The following HIVEP3 variants were observed in gnomAD, a reference collection of about 807,000 sequenced individuals.
HIVEP3 encodes HIVEP zinc finger 3, also known as transcription factor HIVEP3.
HIVEP3 carries 49 observed loss-of-function variants against 152.8 expected under a neutral mutation model. The observed-to-expected ratio is 0.32, with a 90% CI of 0.26 to 0.41. HIVEP3 has a LOEUF of 0.41. Among genes scored for constraint, HIVEP3 ranks in the 10% least tolerant of loss-of-function variants. The pLI is 1.00. For synonymous variants in HIVEP3, 1,269 were observed against 1,289.0 expected, an observed-to-expected ratio of 0.98 and a Z score of 0.33; for missense variants, 2,790 against 3,103.3, an observed-to-expected ratio of 0.90 and a Z score of 2.40.
chr1:41,668,586 A>C (rs1645829953), intron 2 of HIVEP3, among the ~76,000 whole-genome samples: 1 of 152,132 alleles, frequency 6.6e-6, no homozygotes, highest in Non-Finnish European at 1.5e-5. Flanking sequence ...TGGATACTCC[A>C]CTTTTCCCCA....
rs754895712 is a variant in HIVEP3, at chr1:41,583,046, G to A, written c.1752C>T (p.Pro584=). 1.2e-5 allele frequency: 19 copies of A among 1,614,042 alleles called. No homozygotes were observed. The highest frequency in any genetic ancestry group is 1.5e-5 in the Non-Finnish European group (18 of 1,180,012). Reference sequence around the variant, plus strand: ...TTGCCGGCTGGCGCTTCAGCATCCGGGGGTGGGAGGTAAACACGTGACTGC... The same window carrying A: ...TTGCCGGCTGGCGCTTCAGCATCCGAGGGTGGGAGGTAAACACGTGACTGC... ...SHSSHVFTSH[P]RMLKRQPAIE... is the part of the protein sequence containing the mutation. The change falls in exon 4 of 9, where the codon CCC becomes CCT. Residue 584 remains proline, a synonymous_variant. Coordinates refer to ENST00000372583, the MANE Select transcript of HIVEP3 (RefSeq NM_024503.5). This position sits in a 1 kb window ranked among gnomAD's most constrained non-coding sequence, Gnocchi z 6.9.
chr1:41,989,216 G>A (rs1048631453), intron 1 of HIVEP3, among the ~76,000 whole-genome samples: 1 of 152,084 alleles, frequency 6.6e-6, no homozygotes, highest in Non-Finnish European at 1.5e-5. Flanking sequence ...GATGTTAAAT[G>A]CTCTCACCAC....
In HIVEP3 at chr1:41,918,626, A is replaced by C. The variant is rs1195154248; in HGVS notation, c.-1014T>G. On this transcript the variant is annotated 5_prime_UTR_variant, in exon 1 of 9. Coordinates refer to ENST00000372583, the MANE Select transcript of HIVEP3 (RefSeq NM_024503.5). This position sits in a 1 kb window ranked among gnomAD's most constrained non-coding sequence, Gnocchi z 4.3. ...CAGGCATGCATGCGTGTTTGTATAC[A>C]CACATATGCACACGGAATAGCCATG... 3 of 152,214 alleles carry C rather than the reference A, an allele frequency of 2.0e-5. No individual in the cohort carries two copies. Among genetic ancestry groups the C allele is most frequent in the African/African-American group, 7.2e-5 (3 of 41,440 alleles). 9.4% of individuals were successfully genotyped at this position (152,214 alleles called of 1,614,324 possible).
intron 3 of HIVEP3, among the ~76,000 whole-genome samples, chr1:41,619,146 C>T (rs1466016963): frequency 6.6e-6 from 1 of 152,204 alleles, no homozygotes; most frequent in Non-Finnish European, 1.5e-5. Flanking sequence ...CCCCCACCCC[C>T]ACTCCTCCAG....
chr1:41,713,456 T>C (rs1376801546), intron 1 of HIVEP3, among the ~76,000 whole-genome samples: 5 of 152,194 alleles, frequency 3.3e-5, no homozygotes, highest in Non-Finnish European at 7.4e-5. Context: ...TAATGGGGCA[T>C]GTAGAGCTCT....
At chr1:41,823,872 C>A (rs972630042) in intron 1 of HIVEP3, among the ~76,000 whole-genome samples, 3 of 152,182 alleles carry the variant, frequency 2.0e-5, no homozygotes, top group African/African-American at 4.8e-5. Context: ...CTAGCAGACT[C>A]CTGTCAATGA....
intron 1 of HIVEP3, among the ~76,000 whole-genome samples, chr1:42,015,781 G>A (rs1436839328): frequency 6.6e-6 from 1 of 152,254 alleles, no homozygotes. Context: ...TGCCTAGGCA[G>A]GGGATGTGCC....
At chr1:41,926,140 T>A (rs1186463894) in intron 1 of HIVEP3, among the ~76,000 whole-genome samples, 1 of 152,160 alleles carries the variant, frequency 6.6e-6, no homozygotes, top group Non-Finnish European at 1.5e-5. Flanking sequence ...AGGGAAATAA[T>A]TGTTTAGCTT....
intron 1 of HIVEP3, among the ~76,000 whole-genome samples, chr1:41,953,782 G>C (rs1307298672): frequency 6.6e-6 from 1 of 152,188 alleles, no homozygotes; most frequent in African/African-American, 2.4e-5. Context: ...ATGCAAGAGA[G>C]GGAGAAGGAG....
At chr1:41,713,358 G>A (rs1025884613) in intron 1 of HIVEP3, among the ~76,000 whole-genome samples, 2 of 152,154 alleles carry the variant, frequency 1.3e-5, no homozygotes, top group Non-Finnish European at 2.9e-5. Context: ...CCTCCTGCCT[G>A]GGGCTCAGCT....
At chr1:41,793,958 A>G (rs1649841356) in intron 1 of HIVEP3, among the ~76,000 whole-genome samples, 1 of 152,246 alleles carries the variant, frequency 6.6e-6, no homozygotes, top group Non-Finnish European at 1.5e-5. Context: ...ACCATAACTT[A>G]CAAAACCAAT....
At chr1:41,752,828 T>C (rs1647187480) in intron 1 of HIVEP3, among the ~76,000 whole-genome samples, 1 of 152,202 alleles carries the variant, frequency 6.6e-6, no homozygotes, top group Non-Finnish European at 1.5e-5. Context: ...AAGTAACAAT[T>C]CAGGAAAGTG....
chr1:41,912,397 G>A (rs1168613770), intron 1 of HIVEP3, among the ~76,000 whole-genome samples: 1 of 152,172 alleles, frequency 6.6e-6, no homozygotes, highest in Non-Finnish European at 1.5e-5. Context: ...AATTTAATAA[G>A]AAACTCTCAT....
intron 2 of HIVEP3, among the ~76,000 whole-genome samples, chr1:41,648,204 C>T (rs946585565): frequency 1.3e-5 from 2 of 152,198 alleles, no homozygotes; most frequent in Non-Finnish European, 2.9e-5. Context: ...TCTCTATGGC[C>T]CTGGGAAATG....
intron 2 of HIVEP3, among the ~76,000 whole-genome samples, chr1:41,659,304 T>A (rs1011472367): frequency 1.3e-5 from 2 of 152,214 alleles, no homozygotes; most frequent in African/African-American, 4.8e-5. Context: ...CACGTGTAGC[T>A]TCTCCCATTC....
intron 1 of HIVEP3, among the ~76,000 whole-genome samples, chr1:41,815,967 G>A (rs140192986): frequency 2.0e-5 from 3 of 152,206 alleles, no homozygotes; most frequent in Non-Finnish European, 2.9e-5. Context: ...TGAAGCCCAC[G>A]TGCCGTTGAT....
At chr1:41,815,193 G>T (rs956643244) in intron 1 of HIVEP3, among the ~76,000 whole-genome samples, 1 of 152,202 alleles carries the variant, frequency 6.6e-6, no homozygotes, top group Non-Finnish European at 1.5e-5. Context: ...GGCAGAAGGG[G>T]GTCAGGTGCA....
At chr1:41,563,570 C>T (rs969577834) in intron 5 of HIVEP3, among the ~76,000 whole-genome samples, 4 of 152,048 alleles carry the variant, frequency 2.6e-5, no homozygotes, top group Non-Finnish European at 5.9e-5. Flanking sequence ...GACTCCCCGA[C>T]GAAACAGCCC....
chr1:41,777,610 A>G (rs1185203690), intron 1 of HIVEP3, among the ~76,000 whole-genome samples: 5 of 152,352 alleles, frequency 3.3e-5, no homozygotes, highest in Non-Finnish European at 4.4e-5. Context: ...AACAGTTCAC[A>G]TGCATTCGCT....
Sources: gnomAD v4.1 joint callset for allele counts (sites outside exome capture counted in the v4.1 genomes callset) on GRCh38, gnomAD v4.1.1 for gene constraint, Gnocchi (gnomAD v3.1) non-coding constraint, MANE v1.5 for transcripts, NCBI Gene and HGNC (gene_info 2026-07-23, HGNC 2026-07-21) for gene names.